The following HCN1 variants were observed in gnomAD, a reference collection of about 807,000 sequenced individuals.
The protein encoded by HCN1 is hyperpolarization activated cyclic nucleotide gated potassium channel 1.
In HCN1, 13 loss-of-function variants were observed where a neutral mutation model predicts 78.9. That is an observed-to-expected ratio of 0.16 (90% CI 0.11 to 0.26). HCN1 has a LOEUF of 0.26. Ranked by LOEUF, HCN1 falls within the 10% of genes least tolerant of loss-of-function variation. The pLI is 1.00. For missense variants in HCN1, 810 were observed against 1,154.3 expected (o/e 0.70, Z 4.32); for synonymous variants, 552 against 455.5 (o/e 1.21, Z -2.70).
Position 45,541,291 on chromosome 5 carries a change from C to T in HCN1, c.850-79284G>A, listed in dbSNP as rs979419243. ...GCAAATTATTGATGATCAAGTTGTACATTATCACCAGATCTCCAGAGCTCT... is the reference window on the plus strand; with the variant it reads ...GCAAATTATTGATGATCAAGTTGTATATTATCACCAGATCTCCAGAGCTCT... On this transcript the variant is annotated intron_variant, in intron 2 of 7. Coordinates refer to ENST00000303230, the MANE Select transcript of HCN1 (RefSeq NM_021072.4). Among the ~76,000 whole-genome samples, 7 of 152,244 alleles carry T rather than the reference C, an allele frequency of 4.6e-5. No individual in the cohort carries two copies. The East Asian group carries it at 1.2e-3, about 25-fold the overall frequency.
intron 5 of HCN1, among the ~76,000 whole-genome samples, chr5:45,334,317 C>T (rs1746407522): frequency 6.6e-6 from 1 of 151,698 alleles, no homozygotes; most frequent in Admixed American, 6.6e-5. Context: ...TTCTTTACAT[C>T]TTGTATCCTC....
intron 2 of HCN1, among the ~76,000 whole-genome samples, chr5:45,564,555 A>G (rs1422056963): frequency 6.6e-6 from 1 of 152,200 alleles, no homozygotes; most frequent in African/African-American, 2.4e-5. Context: ...CCCACACAGA[A>G]AAGTCAATGT....
At chr5:45,423,968 C>T (rs894601249) in intron 3 of HCN1, among the ~76,000 whole-genome samples, 2 of 151,842 alleles carry the variant, frequency 1.3e-5, no homozygotes, top group East Asian at 1.9e-4. Flanking sequence ...TGATGTTTGC[C>T]TTTAAAAGAA....
intron 5 of HCN1, among the ~76,000 whole-genome samples, chr5:45,343,653 T>C (rs1248595803): frequency 2.0e-5 from 3 of 152,264 alleles, no homozygotes; most frequent in Middle Eastern, 3.4e-3. Context: ...AAAAATGACT[T>C]CATTATATAA....
intron 2 of HCN1, among the ~76,000 whole-genome samples, chr5:45,479,510 T>C (rs1741597704): frequency 6.6e-6 from 1 of 152,162 alleles, no homozygotes; most frequent in African/African-American, 2.4e-5. Flanking sequence ...AAGCTTCAGA[T>C]AATGATAAGC....
chr5:45,695,881 GCCGCCGCCGCCACCGCCGCCA>G lies in HCN1; in HGVS notation c.192_212del (p.Gly68_Gly74del). 1 of 1,535,866 alleles carries G rather than the reference GCCGCCGCCGCCACCGCCGCCA, an allele frequency of 6.5e-7. No individual in the cohort carries two copies. ...CCCCCGCCGGCTCCTCGCCGCCGCCGCCGCCGCCGCCACCGCCGCCACCGCCGTCCACCTTGAAGCACACGG... is the reference window on the plus strand; with the variant it reads ...CCCCCGCCGGCTCCTCGCCGCCGCCGCCGCCGTCCACCTTGAAGCACACGG... On this transcript the variant is annotated inframe_deletion, in exon 1 of 8. Coordinates refer to ENST00000303230, the MANE Select transcript of HCN1 (RefSeq NM_021072.4).
At chr5:45,433,400 C>CT (rs1013614156) in intron 3 of HCN1, among the ~76,000 whole-genome samples, 1 of 151,740 alleles carries the variant, frequency 6.6e-6, no homozygotes, top group East Asian at 1.9e-4. Context: ...GCAATGTCTG[C>CT]TTTTTTTCTG....
At chr5:45,620,968 A>G (rs1435787783) in intron 2 of HCN1, among the ~76,000 whole-genome samples, 1 of 152,156 alleles carries the variant, frequency 6.6e-6, no homozygotes, top group Non-Finnish European at 1.5e-5. Flanking sequence ...AATACACAGT[A>G]CATAATCCAA....
At chr5:45,654,361 GGT>G (rs1745729878) in intron 1 of HCN1, among the ~76,000 whole-genome samples, 1 of 151,930 alleles carries the variant, frequency 6.6e-6, no homozygotes, top group African/African-American at 2.4e-5. Flanking sequence ...AATAGCTCCT[GGT>G]GTTTAAATTT....
chr5:45,379,127 G>A (rs181839615), intron 4 of HCN1, among the ~76,000 whole-genome samples: 1 of 152,158 alleles, frequency 6.6e-6, no homozygotes, highest in East Asian at 1.9e-4. Context: ...AATCCTTTGG[G>A]TATATAACCA....
At chr5:45,680,494 A>G (rs567221312) in intron 1 of HCN1, among the ~76,000 whole-genome samples, 7 of 152,266 alleles carry the variant, frequency 4.6e-5, no homozygotes, top group African/African-American at 1.4e-4. Flanking sequence ...CACTCTTCAG[A>G]AAAGAGGGAA....
chr5:45,522,226 C>T lies in HCN1; in HGVS notation c.850-60219G>A, dbSNP rs998413040. Among the ~76,000 whole-genome samples, 3 of 151,898 alleles carry T rather than the reference C, an allele frequency of 2.0e-5. No homozygotes were observed. In the South Asian group the frequency reaches 6.2e-4, roughly 31 times the overall value. On this transcript the variant is annotated intron_variant, in intron 2 of 7. Coordinates refer to ENST00000303230, the MANE Select transcript of HCN1 (RefSeq NM_021072.4). ...AGTCATGTATCCAGAATTACTTTTG[C>T]TGTTATTACCGTCAGCTTCATTTTA...
intron 2 of HCN1, among the ~76,000 whole-genome samples, chr5:45,602,497 G>A (rs1265727575): frequency 6.6e-6 from 1 of 152,080 alleles, no homozygotes; most frequent in Non-Finnish European, 1.5e-5. Context: ...CCAAAACAGT[G>A]AGAATATAAA....
intron 5 of HCN1, among the ~76,000 whole-genome samples, chr5:45,307,460 T>G (rs759461135): frequency 1.3e-5 from 2 of 152,138 alleles, no homozygotes; most frequent in Admixed American, 6.6e-5. Flanking sequence ...GCAATCAATG[T>G]TAACATCAAC....
At position 45,570,491 on chromosome 5, in the gene HCN1, A is replaced by AT. The variant is rs142147512; in HGVS notation, c.849+74693dup. Among the ~76,000 whole-genome samples, 5 of 152,264 alleles carry AT rather than the reference A, an allele frequency of 3.3e-5. No individual in the cohort carries two copies. In the East Asian group the frequency reaches 9.6e-4, roughly 29 times the overall value. On this transcript the variant is annotated intron_variant, in intron 2 of 7. Transcript: ENST00000303230. ...CTGGGAGAGAAACTTCAGCAAAGCA[A>AT]TAATTAAGACACTGATAAGACAAGC...
intron 1 of HCN1, among the ~76,000 whole-genome samples, chr5:45,682,208 T>C (rs924548132): frequency 1.3e-4 from 19 of 149,888 alleles, no homozygotes; most frequent in Non-Finnish European, 2.2e-4. Context: ...CCACACAGTC[T>C]ATGGTATTTT....
chr5:45,409,864 T>A (rs1197821223), intron 3 of HCN1, among the ~76,000 whole-genome samples: 1 of 151,654 alleles, frequency 6.6e-6, no homozygotes, highest in Non-Finnish European at 1.5e-5. Context: ...TAATTAAATA[T>A]ATTCAGATTA....
chr5:45,634,123 C>T (rs527721977), intron 2 of HCN1, among the ~76,000 whole-genome samples: 17 of 151,710 alleles, frequency 1.1e-4, no homozygotes, highest in Non-Finnish European at 2.1e-4. Context: ...CTTACTGGTG[C>T]CCTCCTTTCT....
intron 5 of HCN1, among the ~76,000 whole-genome samples, chr5:45,339,667 G>C (rs1282584297): frequency 1.3e-5 from 2 of 152,076 alleles, no homozygotes; most frequent in Non-Finnish European, 2.9e-5. Flanking sequence ...ATGCATTTTA[G>C]CTAATTGACA....
Sources: gnomAD v4.1 joint callset for allele counts (sites outside exome capture counted in the v4.1 genomes callset) on GRCh38, gnomAD v4.1.1 for gene constraint, MANE v1.5 for transcripts, NCBI Gene and HGNC (gene_info 2026-07-23, HGNC 2026-07-21) for gene names.